C1QTNF7: variants seen among roughly 807,000 people sequenced by gnomAD.
The protein encoded by C1QTNF7 is complement C1q tumor necrosis factor-related protein 7.
C1QTNF7 carries 15 observed loss-of-function variants against 19.6 expected under a neutral mutation model. The observed-to-expected ratio is 0.76, with a 90% confidence interval of 0.51 to 1.18. The LOEUF (loss-of-function observed/expected upper bound fraction) is 1.18. Ranked by LOEUF, C1QTNF7 falls within the 50% of genes most tolerant of loss-of-function variation. The probability of loss-of-function intolerance (pLI) is 0.00; values close to 1 mark genes in which losing one functional copy is unlikely to be tolerated. For missense variants in C1QTNF7, 324 were observed against 359.7 expected (o/e 0.90, Z 0.80); for synonymous variants, 142 against 137.5 (o/e 1.03, Z -0.23).
chr4:15,386,489 G>A (rs1378526157), intron 1 of C1QTNF7, among the ~76,000 whole-genome samples: 1 of 149,524 alleles, frequency 6.7e-6, no homozygotes, highest in Admixed American at 6.7e-5. Flanking sequence ...TTATGGGGAA[G>A]ACAGATGATA....
chr4:15,349,707 T>C (rs1054404510), intron 1 of C1QTNF7, among the ~76,000 whole-genome samples: 2 of 152,194 alleles, frequency 1.3e-5, no homozygotes, highest in Non-Finnish European at 2.9e-5. Flanking sequence ...ATTCCTTTTC[T>C]TTTCCTTGAC....
At chr4:15,413,879 C>T (rs941180068) in intron 1 of C1QTNF7, among the ~76,000 whole-genome samples, 16 of 152,220 alleles carry the variant, frequency 1.1e-4, no homozygotes, top group Non-Finnish European at 2.4e-4. Flanking sequence ...AGTTCCAATC[C>T]TCTCAAACAC....
intron 1 of C1QTNF7, among the ~76,000 whole-genome samples, chr4:15,406,298 C>T (rs1188498826): frequency 6.6e-6 from 1 of 152,124 alleles, no homozygotes; most frequent in African/African-American, 2.4e-5. Context: ...TAGACCAGAG[C>T]TAAGAAGCCA....
intron 1 of C1QTNF7, among the ~76,000 whole-genome samples, chr4:15,395,945 C>A (rs1718765475): frequency 6.6e-6 from 1 of 152,134 alleles, no homozygotes; most frequent in South Asian, 2.1e-4. Flanking sequence ...AGTCTAATTT[C>A]TCTGAAATCT....
At chr4:15,386,462 C>T (rs1318641410) in intron 1 of C1QTNF7, among the ~76,000 whole-genome samples, 5 of 152,080 alleles carry the variant, frequency 3.3e-5, no homozygotes, top group Non-Finnish European at 5.9e-5. Flanking sequence ...AATACCTGCC[C>T]TCGTGGAGCT....
chr4:15,440,976 T>C (rs1170660353), intron 2 of C1QTNF7, among the ~76,000 whole-genome samples: 1 of 151,930 alleles, frequency 6.6e-6, no homozygotes. Flanking sequence ...GCCCCATCTC[T>C]ACTAAAAATA....
At chr4:15,435,608 C>A in intron 1 of C1QTNF7, 128 bp from the exon 2 acceptor site, 1 of 1,341,540 alleles carries the variant, frequency 7.5e-7, no homozygotes, top group Admixed American at 2.3e-5. Context: ...TTTTACATGT[C>A]TGGAAAGACG....
At chr4:15,344,810 T>C (rs1030075517) in intron 1 of C1QTNF7, among the ~76,000 whole-genome samples, 2 of 152,344 alleles carry the variant, frequency 1.3e-5, no homozygotes, top group Admixed American at 1.3e-4. Context: ...TGCATTTTTA[T>C]ATATTCCTTC....
At chr4:15,357,694 T>C (rs1029647564) in intron 1 of C1QTNF7, among the ~76,000 whole-genome samples, 1 of 152,224 alleles carries the variant, frequency 6.6e-6, no homozygotes, top group African/African-American at 2.4e-5. Context: ...ATTTTCACAA[T>C]ATTGATTCTT....
intron 1 of C1QTNF7, among the ~76,000 whole-genome samples, chr4:15,366,620 A>T: frequency 1.4e-5 from 2 of 146,672 alleles, no homozygotes; most frequent in South Asian, 2.2e-4. Context: ...TTTCCTTCCA[A>T]TCTTTCTCCC....
intron 1 of C1QTNF7, among the ~76,000 whole-genome samples, chr4:15,403,462 C>T (rs1370742094): frequency 6.6e-6 from 1 of 152,136 alleles, no homozygotes; most frequent in Non-Finnish European, 1.5e-5. Flanking sequence ...TCATCCTCTG[C>T]CTCTCTCCTG....
intron 1 of C1QTNF7, among the ~76,000 whole-genome samples, chr4:15,422,748 A>G (rs1485950092): frequency 3.9e-5 from 6 of 152,004 alleles, no homozygotes; most frequent in African/African-American, 1.4e-4. Flanking sequence ...GTGCCTATAC[A>G]TGCACTCCAG....
intron 1 of C1QTNF7, among the ~76,000 whole-genome samples, chr4:15,365,018 G>A (rs1166847811): frequency 1.3e-5 from 2 of 152,138 alleles, no homozygotes; most frequent in South Asian, 2.1e-4. Flanking sequence ...TTCATCCCAC[G>A]TGAAATGAAA....
At chr4:15,404,987 T>A (rs1719140502) in intron 1 of C1QTNF7, among the ~76,000 whole-genome samples, 1 of 152,206 alleles carries the variant, frequency 6.6e-6, no homozygotes, top group African/African-American at 2.4e-5. Context: ...TTCCATGGAA[T>A]TAATAACAGA....
intron 1 of C1QTNF7, among the ~76,000 whole-genome samples, chr4:15,417,277 C>T (rs1211413222): frequency 6.6e-6 from 1 of 152,222 alleles, no homozygotes; most frequent in Non-Finnish European, 1.5e-5. Context: ...ACATTTTCAT[C>T]ACTTCAGCAG....
upstream of C1QTNF7, among the ~76,000 whole-genome samples, chr4:15,424,501 C>T (rs1711948679): frequency 6.6e-6 from 1 of 152,166 alleles, no homozygotes; most frequent in Admixed American, 6.5e-5. Context: ...CCCCACCAGC[C>T]TCAGATTCTG....
At chr4:15,428,589 C>G (rs965551742) in intron 1 of C1QTNF7, among the ~76,000 whole-genome samples, 8 of 152,022 alleles carry the variant, frequency 5.3e-5, no homozygotes, top group African/African-American at 1.9e-4. Flanking sequence ...AATTGTGTGG[C>G]CTTGCAGGGA....
intron 1 of C1QTNF7, among the ~76,000 whole-genome samples, chr4:15,376,330 T>C (rs1717939082): frequency 6.6e-6 from 1 of 152,256 alleles, no homozygotes; most frequent in Admixed American, 6.5e-5. Flanking sequence ...AAATATTTAC[T>C]GAGCATTTGT....
At chr4:15,373,792 A>C (rs2030499867) in intron 1 of C1QTNF7, 2 of 152,018 alleles carry the variant, frequency 1.3e-5, no homozygotes, top group African/African-American at 2.4e-5. Flanking sequence ...TGGCCACTAT[A>C]CTCCTCCTTC....
Sources: allele counts gnomAD v4.1 joint callset (sites outside exome capture counted in the v4.1 genomes callset), GRCh38; gene constraint gnomAD v4.1.1; transcripts MANE v1.5; gene names NCBI Gene and HGNC (gene_info 2026-07-23, HGNC 2026-07-21).